RPTOR: variants seen among roughly 807,000 people sequenced by gnomAD.
RPTOR encodes regulatory associated protein of MTOR complex 1, also known as regulatory-associated protein of mTOR.
RPTOR carries 21 observed loss-of-function variants against 169.9 expected under a neutral mutation model. That is an observed-to-expected ratio of 0.12 (90% confidence interval 0.09 to 0.18). The LOEUF (loss-of-function observed/expected upper bound fraction) is 0.18. Among genes scored for constraint, RPTOR ranks in the 10% least tolerant of loss-of-function variants. The pLI is 1.00. For missense variants in RPTOR, 1,133 were observed against 1,855.9 expected, an observed-to-expected ratio of 0.61 and a Z score of 7.16; for synonymous variants, 732 against 753.2, an observed-to-expected ratio of 0.97 and a Z score of 0.46.
Position 80,855,618 on chromosome 17 carries a change from G to T in RPTOR, c.1398+71G>T. ...GAGATTAGGCTCCGTGTTTCAGTCT[G>T]TGCACGTATTTCATGATCCAGAGCC... On this transcript the variant is annotated intron_variant, in intron 12 of 33. Transcript: ENST00000306801. The T allele has an allele frequency of 5.8e-6, 7 of 1,199,478 alleles. No homozygotes were observed. The Admixed American group carries it at 1.2e-4, about 20-fold the overall frequency. The allele number at this position is 1,199,478 out of a possible 1,614,324, so 74.3% of individuals were successfully genotyped here.
At position 80,964,772 on chromosome 17, in the gene RPTOR, G is replaced by A. The variant is rs116582044; in HGVS notation, c.*442G>A. On this transcript the variant is annotated 3_prime_UTR_variant, in exon 34 of 34. Transcript: ENST00000306801. The stretch of plus-strand genomic sequence containing the variant: ...GGGGCAGCTGTCCCCATCAGGCCAA[G>A]AGCGAGCGAGAGGCGCTGCCCCAGC... 6,368 of 253,538 alleles carry A rather than the reference G, an allele frequency of 0.025. 109 individuals carry two copies. The highest frequency in any genetic ancestry group is 0.05 in the South Asian group (403 of 8,016). 15.7% of individuals were successfully genotyped at this position (253,538 alleles called of 1,614,324 possible). A position where few individuals can be genotyped will look rare whatever the true frequency, so the allele number is the denominator to read the frequency against.
chr17:80,636,696 C>G (rs1567832581), intron 2 of RPTOR, among the ~76,000 whole-genome samples: 1 of 152,090 alleles, frequency 6.6e-6, no homozygotes, highest in Non-Finnish European at 1.5e-5. Flanking sequence ...CCCCAGTATC[C>G]CCACTCCAGA....
intron 13 of RPTOR, among the ~76,000 whole-genome samples, chr17:80,876,876 T>C (rs111518956): frequency 8.8e-6 from 1 of 113,786 alleles, no homozygotes; most frequent in Non-Finnish European, 1.8e-5. Context: ...CCTGCTGGGT[T>C]TTCCACCGAG....
chr17:80,871,361 G>C (rs72857916), intron 13 of RPTOR, among the ~76,000 whole-genome samples: 4 of 152,134 alleles, frequency 2.6e-5, no homozygotes, highest in Non-Finnish European at 5.9e-5. Flanking sequence ...CACCGCTCCC[G>C]GCCATGCCCA....
At chr17:80,717,328 C>T (rs774035400) in intron 4 of RPTOR, among the ~76,000 whole-genome samples, 6 of 152,028 alleles carry the variant, frequency 3.9e-5, no homozygotes, top group Admixed American at 6.6e-5. Flanking sequence ...TTCTATGAAC[C>T]GCTTTATCAT....
rs114129377 is a variant in RPTOR at position 80,562,784 on chromosome 17, A to T, written c.162+16993A>T. 6.6e-6 allele frequency among the ~76,000 whole-genome samples: 1 copy of T among 152,204 alleles called. No homozygotes were observed. The highest frequency in any genetic ancestry group is 1.5e-5 in the Non-Finnish European group (1 of 68,038). ...GGCAACAGAGCAAGACTCTTGTCTC[A>T]AAACAAAAAACAAAAACAAAGTAGA... On this transcript the variant is annotated intron_variant, in intron 1 of 33. Coordinates refer to ENST00000306801, the MANE Select transcript of RPTOR (RefSeq NM_020761.3). The surrounding 1 kb of genome is among the most constrained non-coding windows in gnomAD (Gnocchi z 4.4).
intron 20 of RPTOR, among the ~76,000 whole-genome samples, chr17:80,899,900 G>C (rs528461936): frequency 6.6e-6 from 1 of 152,152 alleles, no homozygotes; most frequent in Non-Finnish European, 1.5e-5. Context: ...CACCCTGCCC[G>C]CACCCTGGCC....
chr17:80,618,178 G>A (rs1361875871), intron 1 of RPTOR, among the ~76,000 whole-genome samples: 1 of 151,946 alleles, frequency 6.6e-6, no homozygotes, highest in African/African-American at 2.4e-5. Flanking sequence ...GTAGAGACAG[G>A]GTTTCACCAC....
chr17:80,790,841 C>T (rs947313807), intron 6 of RPTOR, among the ~76,000 whole-genome samples: 4 of 152,200 alleles, frequency 2.6e-5, no homozygotes, highest in African/African-American at 7.2e-5. Flanking sequence ...TCTGCTGCCT[C>T]GATTCTGCCC....
At chr17:80,742,227 A>G (rs1344230346) in intron 5 of RPTOR, among the ~76,000 whole-genome samples, 1 of 152,154 alleles carries the variant, frequency 6.6e-6, no homozygotes, top group Non-Finnish European at 1.5e-5. Context: ...GTAACCTGGC[A>G]GAGAGGGAAA....
rs180818186 is a variant in RPTOR at position 80,883,590 on chromosome 17, C to T, written c.1650+106C>T. On this transcript the variant is annotated intron_variant, in intron 15 of 33. Transcript: ENST00000306801. ...CACATGGGGGACAGGGGGTGTCCAG[C>T]AGAGGCTCTGACCCTTCATCTAGCC... The T allele has an allele frequency of 4.7e-6, 6 of 1,274,252 alleles. No homozygotes were observed. In the East Asian group the frequency reaches 1.2e-4, roughly 25 times the overall value. The allele number at this position is 1,274,252 out of a possible 1,614,324, so 78.9% of individuals were successfully genotyped here. A position where few individuals can be genotyped will look rare whatever the true frequency, so the allele number is the denominator to read the frequency against.
chr17:80,760,101 C>T (rs7217825), intron 6 of RPTOR, among the ~76,000 whole-genome samples: 119,529 of 151,864 alleles, frequency 0.79, 49,485 homozygotes, highest in East Asian at 1. Flanking sequence ...GGGATTTAGG[C>T]GCCAGGAGTA....
At chr17:80,914,477 C>G (rs952524207) in intron 21 of RPTOR, among the ~76,000 whole-genome samples, 1 of 152,208 alleles carries the variant, frequency 6.6e-6, no homozygotes, top group African/African-American at 2.4e-5. Flanking sequence ...CTGCAGCCAC[C>G]CGGCATGGCT....
At chr17:80,616,859 C>T (rs2065315319) in intron 1 of RPTOR, among the ~76,000 whole-genome samples, 1 of 152,140 alleles carries the variant, frequency 6.6e-6, no homozygotes, top group African/African-American at 2.4e-5. Flanking sequence ...GTAAGTGAAA[C>T]ACGACTCGAT....
In RPTOR at chr17:80,964,653, A is replaced by T. The variant is rs1048292205; in HGVS notation, c.*323A>T. The T allele has an allele frequency of 2.5e-6, 1 of 406,452 alleles. No individual in the cohort carries two copies. The allele number at this position is 406,452 out of a possible 1,614,324, so 25.2% of individuals were successfully genotyped here. A position where few individuals can be genotyped will look rare whatever the true frequency, so the allele number is the denominator to read the frequency against. On this transcript the variant is annotated 3_prime_UTR_variant, in exon 34 of 34. Coordinates refer to ENST00000306801, the MANE Select transcript of RPTOR (RefSeq NM_020761.3). The stretch of plus-strand genomic sequence containing the variant: ...GAGACGCTGAAAGGGGAAACACCTC[A>T]CTTTATTTCCATGTAATCAGAGCAT...
intron 1 of RPTOR, among the ~76,000 whole-genome samples, chr17:80,587,176 C>T (rs2065068523): frequency 6.6e-6 from 1 of 152,282 alleles, no homozygotes; most frequent in African/African-American, 2.4e-5. Flanking sequence ...GTTCCCCTTT[C>T]CTGGTTGTGC....
At chr17:80,782,121 CG>C (rs2143459334) in intron 6 of RPTOR, among the ~76,000 whole-genome samples, 1 of 152,286 alleles carries the variant, frequency 6.6e-6, no homozygotes, top group African/African-American at 2.4e-5. Flanking sequence ...GTCAGCTCTT[CG>C]GGGGTTGTCA....
At chr17:80,634,692 TGC>T (rs879185905) in intron 2 of RPTOR, among the ~76,000 whole-genome samples, 2,763 of 60,932 alleles carry the variant, frequency 0.045, 316 homozygotes, top group Non-Finnish European at 0.061. Context: ...GCGTACTGTG[TGC>T]GTGTGCGTAC....
Position 80,685,627 on chromosome 17 carries a change from A to ATT in RPTOR, c.349-22185_349-22184dup, listed in dbSNP as rs1165540456. 9.8e-4 allele frequency among the ~76,000 whole-genome samples: 30 copies of ATT among 30,664 alleles called. 3 individuals carry two copies. Among genetic ancestry groups the ATT allele is most frequent in the East Asian group, 2.4e-3 (2 of 826 alleles). The allele number at this position is 30,664 out of a possible 152,430, so 20.1% of individuals were successfully genotyped here. A position where few individuals can be genotyped will look rare whatever the true frequency, so the allele number is the denominator to read the frequency against. On this transcript the variant is annotated intron_variant, in intron 3 of 33. Coordinates refer to ENST00000306801, the MANE Select transcript of RPTOR (RefSeq NM_020761.3). ...CATATATATATATATATATATATAT[A>ATT]TTTTTTTTTTTTTTTTTTTTTTTTT...
Sources: gnomAD v4.1 joint callset for allele counts (sites outside exome capture counted in the v4.1 genomes callset) on GRCh38, gnomAD v4.1.1 for gene constraint, Gnocchi (gnomAD v3.1) non-coding constraint, MANE v1.5 for transcripts, NCBI Gene and HGNC (gene_info 2026-07-23, HGNC 2026-07-21) for gene names.